The following CCSER1 variants were observed in gnomAD, a reference collection of about 807,000 sequenced individuals.
CCSER1 encodes coiled-coil serine rich protein 1.
In CCSER1, 41 loss-of-function variants were observed where a neutral mutation model predicts 82.0. The ratio of observed to expected loss-of-function variants is 0.50; its 90% CI spans 0.39 to 0.65. The LOEUF is 0.65. Among genes scored for constraint, CCSER1 ranks in the 30% least tolerant of loss-of-function variants. The pLI is 0.00. For missense variants in CCSER1, 1,119 were observed against 1,064.2 expected (o/e 1.05, Z -0.72); for synonymous variants, 414 against 383.9 (o/e 1.08, Z -0.92).
At chr4:90,725,480 A>C (rs1360131740) in intron 7 of CCSER1, among the ~76,000 whole-genome samples, 1 of 151,520 alleles carries the variant, frequency 6.6e-6, no homozygotes, top group Non-Finnish European at 1.5e-5. Flanking sequence ...TTTGATGGCC[A>C]ACATAGTTAT....
chr4:90,455,589 G>A (rs1480545212), intron 4 of CCSER1, among the ~76,000 whole-genome samples: 3 of 151,938 alleles, frequency 2.0e-5, no homozygotes. Context: ...GTGAGGCTAA[G>A]AAAAAAGGGC....
intron 9 of CCSER1, among the ~76,000 whole-genome samples, chr4:91,023,937 A>G (rs887548522): frequency 1.3e-5 from 2 of 152,232 alleles, no homozygotes; most frequent in African/African-American, 4.8e-5. Flanking sequence ...TGGGTAATTT[A>G]TAAGAGACAA....
rs922937656 is a variant in CCSER1, at chr4:90,927,237, G to GGAT, written c.2172+3790_2172+3791insGAT. 6.7e-4 allele frequency among the ~76,000 whole-genome samples: 102 copies of GGAT among 152,024 alleles called. 1 individual carries two copies. The highest frequency in any genetic ancestry group is 2.3e-3 in the African/African-American group (94 of 41,536). Reference sequence around the variant, plus strand: ...TAATGCCTGAAATTGACACAGAATAGTCAGAGGATTTAAAAATTTCTCTGA... The same window carrying GGAT: ...TAATGCCTGAAATTGACACAGAATAGGATTCAGAGGATTTAAAAATTTCTCTGA... On this transcript the variant is annotated intron_variant, in intron 9 of 10. Transcript: ENST00000509176.
intron 1 of CCSER1, among the ~76,000 whole-genome samples, chr4:90,165,572 C>A (rs1472511806): frequency 6.6e-6 from 1 of 151,856 alleles, no homozygotes; most frequent in Non-Finnish European, 1.5e-5. Flanking sequence ...TTCATAGATA[C>A]AACAATAAAT....
At chr4:90,718,085 G>A (rs966607460) in intron 6 of CCSER1, among the ~76,000 whole-genome samples, 1 of 151,916 alleles carries the variant, frequency 6.6e-6, no homozygotes, top group Non-Finnish European at 1.5e-5. Context: ...TATCTTATGT[G>A]CTTTATCAGT....
intron 10 of CCSER1, among the ~76,000 whole-genome samples, chr4:91,191,054 T>C (rs544952669): frequency 1.3e-5 from 2 of 152,344 alleles, no homozygotes; most frequent in South Asian, 4.1e-4. Context: ...ATTTGGATAG[T>C]ATGTAATGTC....
At chr4:90,752,713 C>T (rs1465951697) in intron 7 of CCSER1, among the ~76,000 whole-genome samples, 2 of 152,058 alleles carry the variant, frequency 1.3e-5, no homozygotes, top group African/African-American at 4.8e-5. Context: ...TGGGTGATTT[C>T]ATGCCATCTA....
chr4:90,927,432 TGTTA>T (rs1729204276), intron 9 of CCSER1, among the ~76,000 whole-genome samples: 1 of 152,114 alleles, frequency 6.6e-6, no homozygotes, highest in South Asian at 2.1e-4. Flanking sequence ...TATTAATTAC[TGTTA>T]GTTTAAATAT....
At chr4:90,895,038 A>T (rs941973265) in intron 8 of CCSER1, among the ~76,000 whole-genome samples, 1 of 152,012 alleles carries the variant, frequency 6.6e-6, no homozygotes, top group African/African-American at 2.4e-5. Flanking sequence ...CCCTAGGTTG[A>T]TTTAAACATG....
intron 10 of CCSER1, among the ~76,000 whole-genome samples, chr4:91,090,687 A>G (rs891894045): frequency 2.0e-5 from 3 of 152,110 alleles, no homozygotes; most frequent in African/African-American, 7.2e-5. Flanking sequence ...CCACAAACAT[A>G]CCATTAAGTG....
intron 10 of CCSER1, among the ~76,000 whole-genome samples, chr4:91,582,877 T>C (rs1763800066): frequency 6.6e-6 from 1 of 151,440 alleles, no homozygotes; most frequent in Non-Finnish European, 1.5e-5. Flanking sequence ...TTGAGTCACT[T>C]CTATGGTCCC....
intron 10 of CCSER1, among the ~76,000 whole-genome samples, chr4:91,463,109 A>G (rs1318633228): frequency 6.6e-6 from 1 of 152,174 alleles, no homozygotes; most frequent in Non-Finnish European, 1.5e-5. Flanking sequence ...GGCACCCCCC[A>G]GTAGAGGTAG....
intron 10 of CCSER1, among the ~76,000 whole-genome samples, chr4:91,306,761 C>T (rs1560579470): frequency 6.6e-6 from 1 of 151,954 alleles, no homozygotes; most frequent in African/African-American, 2.4e-5. Flanking sequence ...TGTAAGCATG[C>T]CATTTTCCAA....
intron 10 of CCSER1, among the ~76,000 whole-genome samples, chr4:91,493,314 A>T (rs1233104957): frequency 6.6e-6 from 1 of 151,918 alleles, no homozygotes; most frequent in Non-Finnish European, 1.5e-5. Flanking sequence ...GATAAAGAAT[A>T]CAAGGGTAGA....
chr4:90,724,803 T>G (rs894901439), intron 7 of CCSER1: 5 of 266,654 alleles, frequency 1.9e-5, no homozygotes, highest in African/African-American at 1.1e-4. Flanking sequence ...TATTTTAACA[T>G]ACAATTATTA....
chr4:90,900,796 AT>A (rs1724524569), intron 8 of CCSER1, among the ~76,000 whole-genome samples: 2 of 151,824 alleles, frequency 1.3e-5, no homozygotes, highest in Non-Finnish European at 2.9e-5. Flanking sequence ...TGTTCTGTAG[AT>A]TTTTTTAGGT....
intron 5 of CCSER1, among the ~76,000 whole-genome samples, chr4:90,570,446 A>G (rs1238411637): frequency 6.6e-6 from 1 of 152,048 alleles, no homozygotes. Context: ...CTGCCTAAGG[A>G]TGCTCTGCCC....
chr4:90,468,476 T>C (rs1426342740), intron 5 of CCSER1, 122 bp downstream of exon 5: 5 of 855,478 alleles, frequency 5.8e-6, no homozygotes, highest in Non-Finnish European at 3.4e-6. Context: ...ATTTTATGGG[T>C]TAAAAAATCA....
chr4:90,412,542 A>G (rs1272558258), intron 4 of CCSER1, among the ~76,000 whole-genome samples: 4 of 151,682 alleles, frequency 2.6e-5, no homozygotes, highest in Non-Finnish European at 4.4e-5. Context: ...AAAAAAAACC[A>G]AAAAGATAAT....
Sources: allele counts gnomAD v4.1 joint callset (sites outside exome capture counted in the v4.1 genomes callset), GRCh38; gene constraint gnomAD v4.1.1; transcripts MANE v1.5; gene names NCBI Gene and HGNC (gene_info 2026-07-23, HGNC 2026-07-21).